The following FASTKD1 variants were observed in gnomAD, a reference collection of about 807,000 sequenced individuals.
The protein encoded by FASTKD1 is FAST kinase domain-containing protein 1, mitochondrial.
FASTKD1 carries 94 observed loss-of-function variants against 90.9 expected under a neutral mutation model. The observed-to-expected ratio is 1.03, with a 90% CI of 0.88 to 1.23. The LOEUF is 1.23. FASTKD1 is among the 50% of genes most tolerant of loss of function. The probability of loss-of-function intolerance (pLI) is 0.00; values close to 1 mark genes in which losing one functional copy is unlikely to be tolerated. For synonymous variants in FASTKD1, 319 were observed against 345.8 expected, an observed-to-expected ratio of 0.92 and a Z score of 0.86; for missense variants, 945 against 993.5, an observed-to-expected ratio of 0.95 and a Z score of 0.66.
intron 3 of FASTKD1, among the ~76,000 whole-genome samples, chr2:169,568,814 G>A (rs1363456352): frequency 6.6e-6 from 1 of 151,416 alleles, no homozygotes. Flanking sequence ...GCCTGGCCAA[G>A]ATGGTGAAAC....
At chr2:169,537,769 G>A (rs190601358) in intron 11 of FASTKD1, among the ~76,000 whole-genome samples, 1 of 152,204 alleles carries the variant, frequency 6.6e-6, no homozygotes, top group Admixed American at 6.5e-5. Flanking sequence ...CTTCAATGTA[G>A]TGTCTTATAT....
At chr2:169,558,744 C>A (rs530378639) in intron 5 of FASTKD1, among the ~76,000 whole-genome samples, 1 of 152,200 alleles carries the variant, frequency 6.6e-6, no homozygotes, top group Admixed American at 6.5e-5. Flanking sequence ...AGCCACCACA[C>A]CCGGCCCTTT....
chr2:169,560,643 G>A lies in FASTKD1; in HGVS notation c.715C>T (p.Arg239Ter), dbSNP rs377757166. 5 of 1,612,494 alleles carry A rather than the reference G, an allele frequency of 3.1e-6. No homozygotes were observed. Among genetic ancestry groups the A allele is most frequent in the African/African-American group, 2.7e-5 (2 of 74,760 alleles). Residue 239 changes from arginine (R) to a stop codon, truncating the protein, a stop_gained, in exon 5 of 15, where the codon CGA becomes TGA. Coordinates refer to ENST00000453153, the MANE Select transcript of FASTKD1 (RefSeq NM_024622.6). LOFTEE classifies it high-confidence loss of function. ...NVAKSIAKFL[R>*]NVRYRYQPLL... ...GGTTGATAACGATATCTAACATTTC[G>A]AAGAAACTTTGCTATGCTTTTTGCA...
chr2:169,563,226 T>G lies in FASTKD1; in HGVS notation c.571A>C (p.Ser191Arg), dbSNP rs1401473078. The G allele has an allele frequency of 1.2e-6, 2 of 1,609,878 alleles. No homozygotes were observed. Among genetic ancestry groups the G allele is most frequent in the Admixed American group, 1.7e-5 (1 of 59,684 alleles). Residue 191 changes from serine to arginine, a missense_variant and splice_region_variant, in exon 4 of 15, where the codon AGT becomes CGT. Ser to Arg is a moderately radical substitution (Grantham distance 110, BLOSUM62 -1). Coordinates refer to ENST00000453153, the MANE Select transcript of FASTKD1 (RefSeq NM_024622.6). ...HRNLETTQDL[S>R]SLSVLMVNIS... ...ACAAGATTCCCTAAATAAATTTACC[T>G]TAAGTCCTGTGTGGTTTCCAAGTTC... is the stretch of plus-strand genomic sequence containing the variant.
Position 169,529,588 on chromosome 2 carries a change from C to T in FASTKD1, c.*237G>A, listed in dbSNP as rs550609566. Among the ~76,000 whole-genome samples the T allele has an allele frequency of 2.0e-5, 3 of 152,334 alleles. No individual in the cohort carries two copies. The highest frequency in any genetic ancestry group is 1.9e-4 in the East Asian group (1 of 5,182). On this transcript the variant is annotated 3_prime_UTR_variant, in exon 15 of 15. Coordinates refer to ENST00000453153, the MANE Select transcript of FASTKD1 (RefSeq NM_024622.6). ...AAAAGCCCCCAATGGCTTCTCATCT[C>T]GCTCAGAGTAGCCAAGAGGTTGTAT...
At chr2:169,532,557 T>C (rs1182596049) in intron 12 of FASTKD1, among the ~76,000 whole-genome samples, 1 of 151,658 alleles carries the variant, frequency 6.6e-6, no homozygotes, top group Non-Finnish European at 1.5e-5. Context: ...AATCTCTAGA[T>C]ATCACTAATG....
chr2:169,549,117 G>A (rs994124170), intron 7 of FASTKD1, among the ~76,000 whole-genome samples: 1 of 148,576 alleles, frequency 6.7e-6, no homozygotes, highest in East Asian at 2.0e-4. Flanking sequence ...ATAAATAGCT[G>A]GGCGTGGTGG....
chr2:169,537,182 AGTTT>A, intron 12 of FASTKD1, 41 bp downstream of exon 12: 1 of 1,114,080 alleles, frequency 9.0e-7, no homozygotes, highest in Non-Finnish European at 1.4e-6. Flanking sequence ...TATTCAAATT[AGTTT>A]GATTTTCTGA....
In FASTKD1 at chr2:169,530,597, C is replaced by A; in HGVS notation, c.2432G>T (p.Arg811Leu). The A allele has an allele frequency of 6.3e-7, 1 of 1,597,210 alleles. No individual in the cohort carries two copies. The highest frequency in any genetic ancestry group is 1.1e-5 in the South Asian group (1 of 88,604). ...KKRHLEILGY[R>L]VIQISQFEWN... ...ATGAGTATTTCATACCTGAATTACA[C>A]GATACCCCAGAATTTCCAAATGTCG... is the stretch of plus-strand genomic sequence containing the variant. Residue 811 changes from arginine (R) to leucine (L), a missense_variant, in exon 14 of 15, where the codon CGT becomes CTT. Physicochemically the swap from Arg to Leu is moderately radical, Grantham distance 102 (BLOSUM62 -2). Transcript: ENST00000453153.
chr2:169,538,259 G>T, intron 10 of FASTKD1, 118 bp from the exon 11 acceptor site: 1 of 815,966 alleles, frequency 1.2e-6, no homozygotes, highest in Non-Finnish European at 1.9e-6. Context: ...ACAGTATTTA[G>T]AACTGTTTAC....
In FASTKD1 at chr2:169,529,197, GC is replaced by G. The variant is rs1211359451; in HGVS notation, c.*627del. On this transcript the variant is annotated 3_prime_UTR_variant, in exon 15 of 15. Coordinates refer to ENST00000453153, the MANE Select transcript of FASTKD1 (RefSeq NM_024622.6). ...AACTTGTGATCAACCCCCACCACCTGCCCCCCATCTTGCTCTTCCTATAGAC... is the reference window on the plus strand; with the variant it reads ...AACTTGTGATCAACCCCCACCACCTGCCCCCATCTTGCTCTTCCTATAGAC... 1.4e-5 allele frequency among the ~76,000 whole-genome samples: 2 copies of G among 147,192 alleles called. No individual in the cohort carries two copies. The highest frequency in any genetic ancestry group is 2.2e-4 in the South Asian group (1 of 4,598).
At chr2:169,534,792 G>C (rs893646120) in intron 12 of FASTKD1, among the ~76,000 whole-genome samples, 1 of 151,770 alleles carries the variant, frequency 6.6e-6, no homozygotes, top group Admixed American at 6.6e-5. Flanking sequence ...ACCAGTCTCA[G>C]GTATTTTGTT....
At chr2:169,558,250 G>A (rs1365204058) in intron 5 of FASTKD1, among the ~76,000 whole-genome samples, 2 of 152,100 alleles carry the variant, frequency 1.3e-5, no homozygotes, top group Non-Finnish European at 2.9e-5. Context: ...AATAAAGTTT[G>A]TTCGTGTGTG....
In FASTKD1 at chr2:169,549,069, C is replaced by G. The variant is rs574297985; in HGVS notation, c.1215-2365G>C. ...CCGAGATGGCACCACTGCACTCCAG[C>G]CTGGGCGACAGAGCGAGACTCCATC... is the stretch of plus-strand genomic sequence containing the variant. On this transcript the variant is annotated intron_variant, in intron 7 of 14. Coordinates refer to ENST00000453153, the MANE Select transcript of FASTKD1 (RefSeq NM_024622.6). 2.0e-5 allele frequency among the ~76,000 whole-genome samples: 3 copies of G among 152,026 alleles called. No homozygotes were observed. In the East Asian group the frequency reaches 5.8e-4, roughly 30 times the overall value.
intron 4 of FASTKD1, 121 bp downstream of exon 4, chr2:169,563,104 G>C (rs920101258): frequency 1.1e-6 from 1 of 914,996 alleles, no homozygotes. Flanking sequence ...TGAGGATAAC[G>C]AACTTCCAAG....
intron 9 of FASTKD1, among the ~76,000 whole-genome samples, chr2:169,541,202 T>C (rs944030167): frequency 2.0e-5 from 3 of 152,216 alleles, no homozygotes; most frequent in African/African-American, 7.2e-5. Flanking sequence ...TTATTTAAAA[T>C]TTTACTTATA....
Position 169,560,257 on chromosome 2 carries a change from T to C in FASTKD1, c.971+130A>G, listed in dbSNP as rs980895388. 1.9e-5 allele frequency: 11 copies of C among 593,856 alleles called. No homozygotes were observed. In the Admixed American group the frequency reaches 3.1e-4, roughly 17 times the overall value. The allele number at this position is 593,856 out of a possible 1,614,324, so 36.8% of individuals were successfully genotyped here. On this transcript the variant is annotated intron_variant, in intron 5 of 14. Transcript: ENST00000453153. ...AGAAAAAGAATCAAGGAGCAGAGCA[T>C]AAGAGATTATTTTCCCTTCCACAAC...
At chr2:169,566,954 A>C (rs1684019419) in intron 3 of FASTKD1, among the ~76,000 whole-genome samples, 1 of 152,092 alleles carries the variant, frequency 6.6e-6, no homozygotes, top group Non-Finnish European at 1.5e-5. Flanking sequence ...GTCTCTACTA[A>C]AAATACAAAA....
At position 169,555,155 on chromosome 2, in the gene FASTKD1, A is replaced by ATT; in HGVS notation, c.1182_1183insAA (p.Phe395AsnfsTer14). The ATT allele has an allele frequency of 6.2e-7, 1 of 1,612,144 alleles. No homozygotes were observed. On this transcript the variant is annotated frameshift_variant, in exon 7 of 15. Coordinates refer to ENST00000453153, the MANE Select transcript of FASTKD1 (RefSeq NM_024622.6). LOFTEE classifies it high-confidence loss of function. ...AGTAATTCTCTAAGTTTCGCAAAAA[A>ATT]CTCCTTCCTTTGGAAATGCAGAAAA...
Sources: allele counts gnomAD v4.1 joint callset (sites outside exome capture counted in the v4.1 genomes callset), GRCh38; gene constraint gnomAD v4.1.1; transcripts MANE v1.5; gene names NCBI Gene and HGNC (gene_info 2026-07-23, HGNC 2026-07-21).